Variants in ZDHHC15 observed in about 807,000 individuals in gnomAD.
ZDHHC15 encodes zDHHC palmitoyltransferase 15, also known as palmitoyltransferase ZDHHC15.
In ZDHHC15, 19 loss-of-function variants were observed where a neutral mutation model predicts 31.7. The observed-to-expected ratio is 0.60, with a 90% CI of 0.42 to 0.88. ZDHHC15 has a LOEUF of 0.88. Among genes scored for constraint, ZDHHC15 ranks in the 40% least tolerant of loss-of-function variants. The probability of loss-of-function intolerance (pLI) is 0.00; values close to 1 mark genes in which losing one functional copy is unlikely to be tolerated. For synonymous variants in ZDHHC15, 103 were observed against 90.0 expected (o/e 1.14, Z -0.82); for missense variants, 209 against 251.2 (o/e 0.83, Z 1.14).
intron 4 of ZDHHC15, among the ~76,000 whole-genome samples, chrX:75,446,055 T>A (rs1281733889): frequency 9.0e-6 from 1 of 111,672 alleles, no homozygotes; most frequent in African/African-American, 3.3e-5. Flanking sequence ...GTGTGACCAA[T>A]GAAGACACGT....
chrX:75,510,421 T>G (rs1047626661), intron 1 of ZDHHC15, among the ~76,000 whole-genome samples: 1 of 108,955 alleles, frequency 9.2e-6, no homozygotes, highest in South Asian at 4.0e-4. Flanking sequence ...TCCTATAGGC[T>G]TGAATGGATA....
intron 2 of ZDHHC15, among the ~76,000 whole-genome samples, chrX:75,491,764 C>G (rs1046701929): frequency 9.0e-5 from 10 of 111,002 alleles, no homozygotes; most frequent in Non-Finnish European, 1.7e-4. Context: ...CACCACCAGG[C>G]CTGCCCTAAA....
intron 2 of ZDHHC15, among the ~76,000 whole-genome samples, chrX:75,500,662 T>C (rs1191191393): frequency 1.8e-5 from 2 of 110,143 alleles, no homozygotes; most frequent in Non-Finnish European, 3.8e-5. Context: ...AATATCTATA[T>C]TTAAATGTCT....
At chrX:75,520,906 T>G (rs768581959) in intron 1 of ZDHHC15, among the ~76,000 whole-genome samples, 3 of 111,118 alleles carry the variant, frequency 2.7e-5, no homozygotes, top group Non-Finnish European at 5.7e-5. Context: ...TAGGAAATTA[T>G]AGAATTAGAA....
chrX:75,498,775 G>GA (rs1569364614), intron 2 of ZDHHC15, among the ~76,000 whole-genome samples: 1 of 111,184 alleles, frequency 9.0e-6, no homozygotes, highest in Non-Finnish European at 1.9e-5. Flanking sequence ...CACAGAACTA[G>GA]AAAAAAATTC....
intron 4 of ZDHHC15, among the ~76,000 whole-genome samples, chrX:75,437,260 T>C (rs1388974590): frequency 1.8e-5 from 1 of 56,912 alleles, no homozygotes; most frequent in East Asian, 7.6e-4. Flanking sequence ...TTGTTGACTT[T>C]CTTTTTTTTG....
intron 1 of ZDHHC15, among the ~76,000 whole-genome samples, chrX:75,507,473 C>CT (rs1250034197): frequency 1.8e-5 from 2 of 110,670 alleles, no homozygotes; most frequent in Non-Finnish European, 3.8e-5. Flanking sequence ...CTGTATTTTT[C>CT]TAATAATGCC....
intron 2 of ZDHHC15, among the ~76,000 whole-genome samples, chrX:75,495,269 A>T (rs1395630292): frequency 8.9e-6 from 1 of 111,831 alleles, no homozygotes; most frequent in Admixed American, 9.6e-5. Flanking sequence ...ATCATTAAAA[A>T]GTCAGGAAAC....
At chrX:75,483,209 A>T (rs2084721016) in intron 2 of ZDHHC15, among the ~76,000 whole-genome samples, 1 of 107,934 alleles carries the variant, frequency 9.3e-6, no homozygotes, top group Non-Finnish European at 1.9e-5. Flanking sequence ...TCTTCCTCTC[A>T]CTCCCTCTTA....
chrX:75,430,417 G>C, intron 5 of ZDHHC15, among the ~76,000 whole-genome samples: 1 of 111,517 alleles, frequency 9.0e-6, no homozygotes, highest in South Asian at 3.8e-4. Context: ...TATAAAAATG[G>C]GGTTTGCAAA....
chrX:75,390,898 A>G (rs1285015867), intron 10 of ZDHHC15, among the ~76,000 whole-genome samples: 1 of 111,760 alleles, frequency 8.9e-6, no homozygotes, highest in Non-Finnish European at 1.9e-5. Context: ...AATCTCAGAG[A>G]GACTGAGATA....
intron 2 of ZDHHC15, among the ~76,000 whole-genome samples, chrX:75,497,967 C>G (rs1319002789): frequency 1.0e-5 from 1 of 98,489 alleles, no homozygotes; most frequent in African/African-American, 3.8e-5. Context: ...GTGTTTTGCT[C>G]TTGTTGCCCA....
At chrX:75,463,236 T>C (rs113844955) in intron 3 of ZDHHC15, among the ~76,000 whole-genome samples, 166 of 111,002 alleles carry the variant, frequency 1.5e-3, no homozygotes, top group African/African-American at 5.4e-3. Context: ...AGACCAATAA[T>C]GAGTTCTGAA....
At chrX:75,486,291 G>A (rs1205012011) in intron 2 of ZDHHC15, among the ~76,000 whole-genome samples, 1 of 112,140 alleles carries the variant, frequency 8.9e-6, no homozygotes. Context: ...GGCACTCATG[G>A]TCCCCAGCTC....
At chrX:75,452,434 A>C (rs762790874) in intron 3 of ZDHHC15, among the ~76,000 whole-genome samples, 1 of 111,004 alleles carries the variant, frequency 9.0e-6, no homozygotes, top group East Asian at 2.8e-4. Context: ...CCACACAATA[A>C]TAATGGGAGA....
chrX:75,494,416 A>G (rs1476716533), intron 2 of ZDHHC15, among the ~76,000 whole-genome samples: 1 of 111,600 alleles, frequency 9.0e-6, no homozygotes, highest in Non-Finnish European at 1.9e-5. Flanking sequence ...CTTTCTTCAC[A>G]GAATTGGAAA....
At chrX:75,433,454 C>T (rs920701654) in intron 4 of ZDHHC15, among the ~76,000 whole-genome samples, 1 of 109,695 alleles carries the variant, frequency 9.1e-6, no homozygotes, top group Admixed American at 9.9e-5. Flanking sequence ...CCTGAGTCCC[C>T]AGAGTACACT....
intron 10 of ZDHHC15, among the ~76,000 whole-genome samples, chrX:75,413,553 T>G (rs1203785540): frequency 9.1e-6 from 1 of 110,005 alleles, no homozygotes; most frequent in Non-Finnish European, 1.9e-5. Flanking sequence ...TAGTCTCAGC[T>G]ACTTGGGAGG....
At chrX:75,387,975 T>C (rs1207452134) in intron 10 of ZDHHC15, among the ~76,000 whole-genome samples, 3 of 112,112 alleles carry the variant, frequency 2.7e-5, no homozygotes, top group Non-Finnish European at 5.6e-5. Context: ...CTTCAATTTA[T>C]TTGGCAACAG....
Sources: allele counts gnomAD v4.1 joint callset (sites outside exome capture counted in the v4.1 genomes callset), GRCh38; gene constraint gnomAD v4.1.1; transcripts MANE v1.5; gene names NCBI Gene and HGNC (gene_info 2026-07-23, HGNC 2026-07-21).